The following TAFA1 variants were observed in gnomAD, a reference collection of about 807,000 sequenced individuals.
TAFA1 encodes chemokine-like protein TAFA-1.
A neutral mutation model predicts 18.5 loss-of-function variants in TAFA1; 4 were observed. The ratio of observed to expected loss-of-function variants is 0.22; its 90% CI spans 0.11 to 0.49. TAFA1 has a LOEUF of 0.49. Ranked by LOEUF, TAFA1 falls within the 20% of genes least tolerant of loss-of-function variation. TAFA1 has a pLI of 0.98. For missense variants in TAFA1, 147 were observed against 169.0 expected, an observed-to-expected ratio of 0.87 and a Z score of 0.72; for synonymous variants, 56 against 55.2, an observed-to-expected ratio of 1.01 and a Z score of -0.06.
At chr3:68,120,475 C>T (rs2106859064) in intron 2 of TAFA1, among the ~76,000 whole-genome samples, 1 of 152,186 alleles carries the variant, frequency 6.6e-6, no homozygotes, top group South Asian at 2.1e-4. Context: ...TCTCGAACTC[C>T]TGATCTCAAG....
intron 3 of TAFA1, among the ~76,000 whole-genome samples, chr3:68,438,439 C>T (rs1285756583): frequency 5.9e-5 from 9 of 152,178 alleles, no homozygotes; most frequent in Non-Finnish European, 1.2e-4. Flanking sequence ...GGTTGGGCCC[C>T]CAAGGCCTTG....
At chr3:68,196,458 C>G (rs1389284044) in intron 2 of TAFA1, among the ~76,000 whole-genome samples, 3 of 151,646 alleles carry the variant, frequency 2.0e-5, no homozygotes, top group Non-Finnish European at 4.4e-5. Flanking sequence ...TCTGATTCAC[C>G]TGCTTTCCAA....
At chr3:68,362,340 C>G (rs1349531155) in intron 2 of TAFA1, among the ~76,000 whole-genome samples, 1 of 152,108 alleles carries the variant, frequency 6.6e-6, no homozygotes, top group Admixed American at 6.6e-5. Flanking sequence ...CTCCTAGAGA[C>G]TTGCAAAGCA....
At chr3:68,488,079 G>T (rs1036439132) in intron 3 of TAFA1, among the ~76,000 whole-genome samples, 1 of 152,074 alleles carries the variant, frequency 6.6e-6, no homozygotes, top group South Asian at 2.1e-4. Flanking sequence ...TATTAGCCAG[G>T]GTTCTCTAGA....
chr3:68,262,674 AT>A (rs1387851796), intron 2 of TAFA1, among the ~76,000 whole-genome samples: 1 of 151,984 alleles, frequency 6.6e-6, no homozygotes, highest in Non-Finnish European at 1.5e-5. Flanking sequence ...TCTTTATCCA[AT>A]TCACCACTGA....
At chr3:68,247,763 T>G (rs2067111940) in intron 2 of TAFA1, 1 of 152,224 alleles carries the variant, frequency 6.6e-6, no homozygotes, top group African/African-American at 2.4e-5. Flanking sequence ...TTGCAGAATG[T>G]GAAGGAGCAA....
chr3:68,237,856 C>G (rs1174798267), intron 2 of TAFA1, among the ~76,000 whole-genome samples: 1 of 152,142 alleles, frequency 6.6e-6, no homozygotes, highest in Non-Finnish European at 1.5e-5. Flanking sequence ...AAGAGATTGA[C>G]TGACTGACAA....
At chr3:68,433,165 G>A (rs2071210639) in intron 3 of TAFA1, among the ~76,000 whole-genome samples, 1 of 151,996 alleles carries the variant, frequency 6.6e-6, no homozygotes, top group African/African-American at 2.4e-5. Context: ...TCACTCAATA[G>A]CATTTGCATT....
chr3:68,458,189 T>A (rs2071701426), intron 3 of TAFA1, among the ~76,000 whole-genome samples: 1 of 152,004 alleles, frequency 6.6e-6, no homozygotes, highest in Admixed American at 6.6e-5. Flanking sequence ...ATGTAGCACC[T>A]CCCCCTTCTC....
intron 3 of TAFA1, among the ~76,000 whole-genome samples, chr3:68,454,968 A>G (rs759132341): frequency 1.3e-5 from 2 of 152,142 alleles, no homozygotes; most frequent in African/African-American, 2.4e-5. Flanking sequence ...GACTCCCCCA[A>G]AACTTAACTA....
At chr3:68,128,054 C>T (rs1406539047) in intron 2 of TAFA1, among the ~76,000 whole-genome samples, 6 of 151,774 alleles carry the variant, frequency 4.0e-5, no homozygotes. Context: ...CCTGAGTCCT[C>T]ATAAAGAGTC....
intron 2 of TAFA1, among the ~76,000 whole-genome samples, chr3:68,298,269 C>T (rs960392112): frequency 6.6e-6 from 1 of 152,122 alleles, no homozygotes; most frequent in Non-Finnish European, 1.5e-5. Context: ...AACTAGGGAT[C>T]CAACATATTG....
intron 2 of TAFA1, among the ~76,000 whole-genome samples, chr3:68,018,274 A>G (rs1704609217): frequency 6.6e-6 from 1 of 152,194 alleles, no homozygotes; most frequent in Non-Finnish European, 1.5e-5. Flanking sequence ...TTGTCAAAGA[A>G]GTGGCAACCA....
At chr3:68,382,020 A>G (rs1390749178) in intron 2 of TAFA1, among the ~76,000 whole-genome samples, 3 of 151,830 alleles carry the variant, frequency 2.0e-5, no homozygotes, top group Admixed American at 6.6e-5. Flanking sequence ...CTGCCTTTCT[A>G]TCTCTATTGA....
intron 2 of TAFA1, among the ~76,000 whole-genome samples, chr3:68,315,427 G>A (rs573579152): frequency 3.9e-5 from 6 of 152,082 alleles, no homozygotes; most frequent in Non-Finnish European, 8.8e-5. Context: ...GCTGGGGCGC[G>A]GAAATAGTTT....
At chr3:68,501,556 A>G (rs2072659778) in intron 3 of TAFA1, among the ~76,000 whole-genome samples, 1 of 152,228 alleles carries the variant, frequency 6.6e-6, no homozygotes, top group Middle Eastern at 3.2e-3. Context: ...ATGTTTGTTT[A>G]CCAAATATTT....
intron 2 of TAFA1, among the ~76,000 whole-genome samples, chr3:68,380,571 T>A (rs1299344300): frequency 6.6e-6 from 1 of 152,224 alleles, no homozygotes; most frequent in Non-Finnish European, 1.5e-5. Context: ...TATCTTCTTT[T>A]GAGAAGTGTC....
At chr3:68,240,845 C>T (rs2066987256) in intron 2 of TAFA1, among the ~76,000 whole-genome samples, 1 of 152,098 alleles carries the variant, frequency 6.6e-6, no homozygotes, top group African/African-American at 2.4e-5. Context: ...GCAGACATAC[C>T]TCCTTTTATC....
intron 2 of TAFA1, among the ~76,000 whole-genome samples, chr3:68,356,100 A>G (rs1189368291): frequency 6.6e-6 from 1 of 151,982 alleles, no homozygotes; most frequent in Admixed American, 6.6e-5. Context: ...CAAATGTAGA[A>G]CATTTCCACC....
Sources: allele counts gnomAD v4.1 joint callset (sites outside exome capture counted in the v4.1 genomes callset), GRCh38; gene constraint gnomAD v4.1.1; transcripts MANE v1.5; gene names NCBI Gene and HGNC (gene_info 2026-07-23, HGNC 2026-07-21).